CDC14B: variants seen among roughly 807,000 people sequenced by gnomAD.
CDC14B encodes cell division cycle 14B.
A neutral mutation model predicts 64.2 loss-of-function variants in CDC14B; 22 were observed. The ratio of observed to expected loss-of-function variants is 0.34; its 90% CI spans 0.24 to 0.49. CDC14B has a LOEUF of 0.49. Ranked by LOEUF, CDC14B falls within the 20% of genes least tolerant of loss-of-function variation. The pLI is 0.99. For synonymous variants in CDC14B, 191 were observed against 215.8 expected, an observed-to-expected ratio of 0.89 and a Z score of 1.01; for missense variants, 498 against 629.9, an observed-to-expected ratio of 0.79 and a Z score of 2.24.
chr9:96,588,224 A>G (rs1188810159), intron 1 of CDC14B, among the ~76,000 whole-genome samples: 1 of 152,152 alleles, frequency 6.6e-6, no homozygotes, highest in Non-Finnish European at 1.5e-5. Flanking sequence ...TAACCCACGC[A>G]GGGCTTTCAG....
At chr9:96,587,533 T>C (rs1461219091) in intron 1 of CDC14B, among the ~76,000 whole-genome samples, 1 of 152,218 alleles carries the variant, frequency 6.6e-6, no homozygotes, top group Non-Finnish European at 1.5e-5. Flanking sequence ...CACTTGGCCC[T>C]GCACTGCTGA....
chr9:96,566,847 G>C (rs541004902), intron 1 of CDC14B: 1 of 1,592,724 alleles, frequency 6.3e-7, no homozygotes, highest in South Asian at 1.1e-5. Flanking sequence ...GCGGGGCAGA[G>C]GCAAGGACTG....
intron 1 of CDC14B, among the ~76,000 whole-genome samples, chr9:96,604,616 G>A (rs749106135): frequency 2.4e-4 from 36 of 151,148 alleles, no homozygotes; most frequent in Non-Finnish European, 4.3e-4. Context: ...CCGACCTCAC[G>A]TAATCCACCT....
chr9:96,514,260 C>T, intron 12 of CDC14B: 1 of 231,288 alleles, frequency 4.3e-6, no homozygotes, highest in Non-Finnish European at 7.1e-6. Context: ...GCATTATTTG[C>T]AACTGCTCCA....
chr9:96,537,933 T>C (rs1476294608), intron 7 of CDC14B, among the ~76,000 whole-genome samples: 1 of 152,150 alleles, frequency 6.6e-6, no homozygotes, highest in Admixed American at 6.5e-5. Context: ...TTGCCCAGGC[T>C]GATCTCAAAC....
chr9:96,530,568 T>G lies in CDC14B; in HGVS notation c.946+3359A>C, dbSNP rs528362211. On this transcript the variant is annotated intron_variant, in intron 9 of 13. Coordinates refer to ENST00000375241, the MANE Select transcript of CDC14B (RefSeq NM_033331.4). ...GTGCTAGGATTACAGCCAAGAGCCA[T>G]TGCACCTGGCCCAGGGTTTTCTATA... is the stretch of plus-strand genomic sequence containing the variant. Among the ~76,000 whole-genome samples the G allele has an allele frequency of 1.1e-4, 17 of 151,720 alleles. No homozygotes were observed. The South Asian group carries it at 1.9e-3, about 17-fold the overall frequency.
At chr9:96,555,826 T>C (rs1457648289) in intron 4 of CDC14B, among the ~76,000 whole-genome samples, 2 of 152,114 alleles carry the variant, frequency 1.3e-5, no homozygotes, top group Admixed American at 6.6e-5. Flanking sequence ...ACCTCAACCA[T>C]TCCCAGGACT....
intron 12 of CDC14B, among the ~76,000 whole-genome samples, chr9:96,513,605 A>C (rs914378975): frequency 6.6e-6 from 1 of 152,230 alleles, no homozygotes; most frequent in South Asian, 2.1e-4. Context: ...TGAAATCTGC[A>C]ACCCAAGGAA....
intron 12 of CDC14B, among the ~76,000 whole-genome samples, chr9:96,520,474 T>A (rs151104178): frequency 6.6e-6 from 1 of 152,140 alleles, no homozygotes; most frequent in Non-Finnish European, 1.5e-5. Flanking sequence ...GCCTCCCGCA[T>A]AGCCTGGTCT....
At chr9:96,595,217 C>T (rs1480806162) in intron 1 of CDC14B, among the ~76,000 whole-genome samples, 1 of 152,160 alleles carries the variant, frequency 6.6e-6, no homozygotes, top group African/African-American at 2.4e-5. Flanking sequence ...ATCATAAAAG[C>T]AAGACCTGAA....
chr9:96,557,022 C>A (rs1042773528), intron 4 of CDC14B, among the ~76,000 whole-genome samples: 8 of 152,204 alleles, frequency 5.3e-5, no homozygotes, highest in Admixed American at 5.2e-4. Context: ...GAAAGCTTAA[C>A]GGATCTGCAG....
rs1167468059 is a variant in CDC14B at position 96,523,265 on chromosome 9, T to G, written c.1241A>C (p.Glu414Ala). 1 of 1,613,972 alleles carries G rather than the reference T, an allele frequency of 6.2e-7. No homozygotes were observed. The highest frequency in any genetic ancestry group is 1.7e-5 in the Admixed American group (1 of 60,016). The change falls in exon 11 of 14, where the codon GAA (glutamate) becomes GCA (alanine). Residue 414 changes from glutamate to alanine, a missense_variant. Transcript: ENST00000375241. Reference sequence around the variant, plus strand: ...CAACAGAAACGGCTTGATTACCGGTTCGGGTTCTTGCTGATCTTGATTCTC... The same window carrying G: ...CAACAGAAACGGCTTGATTACCGGTGCGGGTTCTTGCTGATCTTGATTCTC... ...GVENQDQQEP[E>A]PYSDDDEING...
intron 1 of CDC14B, among the ~76,000 whole-genome samples, chr9:96,609,763 AG>A (rs1017232594): frequency 3.9e-5 from 6 of 152,236 alleles, no homozygotes; most frequent in African/African-American, 1.4e-4. Flanking sequence ...AGAACTTGAA[AG>A]AACAATAAAT....
At chr9:96,538,792 C>A in intron 7 of CDC14B, 1 of 259,900 alleles carries the variant, frequency 3.8e-6, no homozygotes, top group Non-Finnish European at 7.3e-6. Flanking sequence ...AGAGTACAAA[C>A]CATCAGAGGA....
intron 5 of CDC14B, among the ~76,000 whole-genome samples, chr9:96,547,456 AGTCT>A (rs1170000059): frequency 2.0e-5 from 3 of 151,056 alleles, no homozygotes; most frequent in African/African-American, 4.9e-5. Context: ...ACAGAGCGAG[AGTCT>A]GTCTTAAAAA....
chr9:96,536,804 A>T (rs926595384), intron 7 of CDC14B, among the ~76,000 whole-genome samples: 2 of 152,224 alleles, frequency 1.3e-5, no homozygotes, highest in Non-Finnish European at 1.5e-5. Flanking sequence ...GGGTAAGAAG[A>T]CAGGAGGCTA....
intron 1 of CDC14B, among the ~76,000 whole-genome samples, chr9:96,616,889 T>C (rs1847665359): frequency 6.6e-6 from 1 of 152,080 alleles, no homozygotes; most frequent in African/African-American, 2.4e-5. Context: ...AAAAGCCCAA[T>C]AAAAAGTAAT....
chr9:96,571,919 G>A (rs972900219), intron 1 of CDC14B, among the ~76,000 whole-genome samples: 9 of 152,164 alleles, frequency 5.9e-5, no homozygotes, highest in African/African-American at 1.7e-4. Flanking sequence ...GAACAGACAG[G>A]CCTTGCTGGG....
intron 1 of CDC14B, among the ~76,000 whole-genome samples, chr9:96,616,496 C>T (rs1461482021): frequency 2.0e-5 from 3 of 151,912 alleles, no homozygotes; most frequent in Non-Finnish European, 4.4e-5. Flanking sequence ...GAGACCAAGG[C>T]GGGCGGATCA....
Sources: allele counts gnomAD v4.1 joint callset (sites outside exome capture counted in the v4.1 genomes callset), GRCh38; gene constraint gnomAD v4.1.1; transcripts MANE v1.5; gene names NCBI Gene and HGNC (gene_info 2026-07-23, HGNC 2026-07-21).